CD86: variants seen among roughly 807,000 people sequenced by gnomAD.
CD86 encodes T-lymphocyte activation antigen CD86.
A neutral mutation model predicts 32.1 loss-of-function variants in CD86; 11 were observed. That is an observed-to-expected ratio of 0.34 (90% CI 0.22 to 0.57). The LOEUF (loss-of-function observed/expected upper bound fraction) is 0.57. Among genes scored for constraint, CD86 ranks in the 20% least tolerant of loss-of-function variants. The pLI, the probability that CD86 is intolerant of heterozygous loss-of-function variation, is 0.86. For synonymous variants in CD86, 137 were observed against 135.3 expected (o/e 1.01, Z -0.09); for missense variants, 359 against 398.4 (o/e 0.90, Z 0.84).
intron 1 of CD86, among the ~76,000 whole-genome samples, chr3:122,086,781 C>T (rs1396752580): frequency 6.6e-6 from 1 of 152,146 alleles, no homozygotes; most frequent in Non-Finnish European, 1.5e-5. Context: ...CCTCTCGATT[C>T]CAGGAGCCAC....
rs758149181 is a variant in CD86, at chr3:122,091,670, G to GT, written c.64+22dup. 25 of 1,603,698 alleles carry GT rather than the reference G, an allele frequency of 1.6e-5. No homozygotes were observed. The highest frequency in any genetic ancestry group is 3.3e-4 in the Middle Eastern group (2 of 6,068). ...TCTCTGGTAAGAACCTTTCAGCTTT[G>GT]TTAAGTCCTGGAATCCTACTGTCTC... On this transcript the variant is annotated intron_variant, in intron 2 of 6. Transcript: ENST00000330540.
intron 1 of CD86, among the ~76,000 whole-genome samples, chr3:122,070,926 G>C (rs984080976): frequency 2.6e-5 from 4 of 152,160 alleles, no homozygotes; most frequent in African/African-American, 9.6e-5. Context: ...CCAGAAATCC[G>C]TGTATGTGGT....
intron 1 of CD86, among the ~76,000 whole-genome samples, chr3:122,061,089 C>T (rs1056022318): frequency 2.0e-5 from 3 of 152,040 alleles, no homozygotes; most frequent in African/African-American, 7.3e-5. Flanking sequence ...CAGATTTGCA[C>T]TAAAACATCA....
chr3:122,099,265 T>C (rs534368929), intron 2 of CD86, among the ~76,000 whole-genome samples: 1 of 144,850 alleles, frequency 6.9e-6, no homozygotes, highest in African/African-American at 2.6e-5. Context: ...AGTTGAGATC[T>C]GAAAAGAGCT....
chr3:122,056,962 T>C (rs1433309629), intron 1 of CD86, among the ~76,000 whole-genome samples: 1 of 152,224 alleles, frequency 6.6e-6, no homozygotes, highest in African/African-American at 2.4e-5. Flanking sequence ...TGCCTGAAGA[T>C]TGGTCATGAA....
intron 1 of CD86, among the ~76,000 whole-genome samples, chr3:122,065,314 C>T (rs1259037072): frequency 2.0e-5 from 3 of 152,002 alleles, no homozygotes; most frequent in South Asian, 2.1e-4. Flanking sequence ...GGCAACCATA[C>T]GATAAAGGTA....
chr3:122,115,509 C>T (rs916177804), intron 5 of CD86, among the ~76,000 whole-genome samples: 3 of 151,902 alleles, frequency 2.0e-5, no homozygotes, highest in South Asian at 2.1e-4. Flanking sequence ...AAATCTTACT[C>T]GAAAAGTTAT....
At chr3:122,114,522 C>T (rs1176883585) in intron 5 of CD86, among the ~76,000 whole-genome samples, 1 of 152,056 alleles carries the variant, frequency 6.6e-6, no homozygotes, top group African/African-American at 2.4e-5. Flanking sequence ...AGTGTCCAGG[C>T]CCCTCTGAAG....
At chr3:122,095,750 A>G (rs1441875682) in intron 2 of CD86, among the ~76,000 whole-genome samples, 4 of 152,146 alleles carry the variant, frequency 2.6e-5, no homozygotes, top group African/African-American at 9.7e-5. Context: ...GTTTTTCAAA[A>G]TAGATATATG....
chr3:122,067,744 A>C (rs2072434650), intron 1 of CD86, among the ~76,000 whole-genome samples: 1 of 152,246 alleles, frequency 6.6e-6, no homozygotes, highest in Admixed American at 6.5e-5. Flanking sequence ...AGTAAAGCTG[A>C]AATTGAGACA....
chr3:122,119,992 C>G lies in CD86; in HGVS notation c.*458C>G, dbSNP rs1250724949. On this transcript the variant is annotated 3_prime_UTR_variant, in exon 7 of 7. Coordinates refer to ENST00000330540, the MANE Select transcript of CD86 (RefSeq NM_175862.5). ...AACTACCTCCTCAGTCTGGGTGGGACTTATGTATTTATGACCTTATAGTGT... is the reference window on the plus strand; with the variant it reads ...AACTACCTCCTCAGTCTGGGTGGGAGTTATGTATTTATGACCTTATAGTGT... 1 of 169,746 alleles carries G rather than the reference C, an allele frequency of 5.9e-6. No individual in the cohort carries two copies. The highest frequency in any genetic ancestry group is 1.2e-5 in the Non-Finnish European group (1 of 80,896). The allele number at this position is 169,746 out of a possible 1,614,324, so 10.5% of individuals were successfully genotyped here. A position where few individuals can be genotyped will look rare whatever the true frequency, so the allele number is the denominator to read the frequency against.
chr3:122,069,967 G>T (rs2072466936), intron 1 of CD86, among the ~76,000 whole-genome samples: 1 of 152,110 alleles, frequency 6.6e-6, no homozygotes, highest in Admixed American at 6.6e-5. Flanking sequence ...TAGTACAATG[G>T]TACTTTTTCT....
At chr3:122,070,716 A>G (rs1373300527) in intron 1 of CD86, among the ~76,000 whole-genome samples, 1 of 152,206 alleles carries the variant, frequency 6.6e-6, no homozygotes, top group Non-Finnish European at 1.5e-5. Flanking sequence ...AGGGTTCTGC[A>G]CCAGAAAAAT....
intron 2 of CD86, among the ~76,000 whole-genome samples, chr3:122,101,200 A>C (rs1034599576): frequency 1.3e-4 from 20 of 152,234 alleles, no homozygotes; most frequent in African/African-American, 4.8e-4. Flanking sequence ...AGACAGAGGC[A>C]GAGATTCTCT....
rs370205826 is a variant in CD86, at chr3:122,119,450, T to C, written c.906T>C (p.His302=). ...TCTATTTCTCCAGAGAAAAAATCCA[T>C]ATACCTGAAAGATCTGATGAAGCCC... is the stretch of plus-strand genomic sequence containing the variant. ...SEQTKKREKI[H]IPERSDEAQR... is the part of the protein sequence containing the mutation. The change falls in exon 7 of 7, where the codon CAT becomes CAC. Residue 302 remains histidine (H), a synonymous_variant. Transcript: ENST00000330540. 5.6e-6 allele frequency: 9 copies of C among 1,603,446 alleles called. No homozygotes were observed. The highest frequency in any genetic ancestry group is 6.0e-6 in the Non-Finnish European group (7 of 1,171,198).
At chr3:122,105,178 A>G (rs987729420) in intron 3 of CD86, among the ~76,000 whole-genome samples, 3 of 152,242 alleles carry the variant, frequency 2.0e-5, no homozygotes, top group Non-Finnish European at 4.4e-5. Flanking sequence ...TAGGTGGGAC[A>G]CAGATAAGCA....
intron 1 of CD86, among the ~76,000 whole-genome samples, chr3:122,077,409 G>A (rs947594389): frequency 6.6e-6 from 1 of 152,216 alleles, no homozygotes; most frequent in African/African-American, 2.4e-5. Flanking sequence ...AGGATCATCT[G>A]AAAATGAAGG....
chr3:122,116,930 C>A (rs553921349), intron 5 of CD86, among the ~76,000 whole-genome samples: 72 of 152,250 alleles, frequency 4.7e-4, no homozygotes, highest in African/African-American at 1.6e-3. Context: ...TAAAAATGTT[C>A]TCGATCTTGA....
intron 2 of CD86, among the ~76,000 whole-genome samples, chr3:122,099,696 C>T (rs1423915267): frequency 6.6e-6 from 1 of 152,012 alleles, no homozygotes; most frequent in Non-Finnish European, 1.5e-5. Context: ...GTTGCATTGT[C>T]CAATATAATA....
Sources: allele counts gnomAD v4.1 joint callset (sites outside exome capture counted in the v4.1 genomes callset), GRCh38; gene constraint gnomAD v4.1.1; transcripts MANE v1.5; gene names NCBI Gene and HGNC (gene_info 2026-07-23, HGNC 2026-07-21).